The following PLXND1 variants were observed in gnomAD, a reference collection of about 807,000 sequenced individuals.
PLXND1 encodes plexin D1.
In PLXND1, 54 loss-of-function variants were observed where a neutral mutation model predicts 197.7. The observed-to-expected ratio is 0.27, with a 90% CI of 0.22 to 0.34. PLXND1 has a LOEUF of 0.34. PLXND1 is among the 10% of genes least tolerant of loss of function. PLXND1 has a pLI of 1.00. For missense variants in PLXND1, 2,127 were observed against 2,699.2 expected (o/e 0.79, Z 4.70); for synonymous variants, 1,180 against 1,161.2 (o/e 1.02, Z -0.33).
chr3:129,594,022 G>A lies in PLXND1; in HGVS notation c.1312-4495C>T, dbSNP rs535311430. The stretch of plus-strand genomic sequence containing the variant: ...CCCCAGGAAGCCAGTTGGAAGGAGC[G>A]CTTCAAGAGCCCGGCTTCTCAGGCC... On this transcript the variant is annotated intron_variant, in intron 1 of 35. Coordinates refer to ENST00000324093, the MANE Select transcript of PLXND1 (RefSeq NM_015103.3). Among the ~76,000 whole-genome samples, 6 of 152,290 alleles carry A rather than the reference G, an allele frequency of 3.9e-5. No individual in the cohort carries two copies. The South Asian group carries it at 1.2e-3, about 32-fold the overall frequency.
chr3:129,567,455 T>TGGCACAGGTTCAGGGCA, intron 22 of PLXND1, 37 bp downstream of exon 22: 1 of 1,264,652 alleles, frequency 7.9e-7, no homozygotes, highest in Non-Finnish European at 1.1e-6. Flanking sequence ...TTGAGGTGGC[T>TGGCACAGGTTCAGGGCA]GGCACAGGTT....
chr3:129,571,002 C>T (rs546379326), intron 18 of PLXND1, 38 bp downstream of exon 18: 9 of 1,612,890 alleles, frequency 5.6e-6, no homozygotes, highest in African/African-American at 4.0e-5. Context: ...GAGGCTGGCT[C>T]GCTTGCCCCC....
At chr3:129,605,099 G>A (rs961739080) in intron 1 of PLXND1, among the ~76,000 whole-genome samples, 11 of 152,160 alleles carry the variant, frequency 7.2e-5, no homozygotes, top group African/African-American at 2.2e-4. Flanking sequence ...CCCATGAGCC[G>A]GCACTCACTT....
chr3:129,578,019 C>A (rs764851014), intron 9 of PLXND1, among the ~76,000 whole-genome samples: 5 of 152,204 alleles, frequency 3.3e-5, no homozygotes, highest in Non-Finnish European at 5.9e-5. Flanking sequence ...GCAGCGTCCA[C>A]CCTCCGGCTG....
intron 1 of PLXND1, among the ~76,000 whole-genome samples, chr3:129,596,897 C>T (rs1337354623): frequency 6.6e-6 from 1 of 152,128 alleles, no homozygotes; most frequent in Admixed American, 6.5e-5. Context: ...GGGCTGGATT[C>T]CATGAGCTGG....
intron 8 of PLXND1, among the ~76,000 whole-genome samples, chr3:129,578,724 C>T (rs1428608594): frequency 6.6e-6 from 1 of 152,200 alleles, no homozygotes; most frequent in African/African-American, 2.4e-5. Context: ...TCCCTGGCCT[C>T]AGACGAGGCT....
intron 13 of PLXND1, 100 bp downstream of exon 13, chr3:129,573,494 C>A: frequency 8.3e-7 from 1 of 1,209,028 alleles, no homozygotes; most frequent in Non-Finnish European, 1.2e-6. Context: ...TTCCAGAAAG[C>A]AGCAGAGTGA....
chr3:129,580,492 G>A (rs942693688), intron 8 of PLXND1, among the ~76,000 whole-genome samples: 5 of 152,056 alleles, frequency 3.3e-5, no homozygotes, highest in African/African-American at 1.2e-4. Flanking sequence ...GCTGGCTGGG[G>A]CCCAGCCTCT....
rs1480312019 is a variant in PLXND1, at chr3:129,606,623, G to T, written c.17C>A (p.Ala6Glu). The change falls in exon 1 of 36, where the codon GCG becomes GAG. Residue 6 changes from alanine (A) to glutamate (E), a missense_variant. Ala to Glu is a moderately radical substitution (Grantham distance 107, BLOSUM62 -1). This residue lies in a region of PLXND1 where 245 missense variants were observed against 267.1 expected (regional missense o/e 0.92). Coordinates refer to ENST00000324093, the MANE Select transcript of PLXND1 (RefSeq NM_015103.3). ...CCGGGCGCTAAGGGGTGCGCCGCCC[G>T]CGGCGCGAGGAGCCATCCGGGCGTG... Reference protein sequence around the residue: MAPRAAGGAPLSARAA... With the variant: MAPRAEGGAPLSARAA... The T allele has an allele frequency of 4.4e-6, 5 of 1,136,460 alleles. No individual in the cohort carries two copies. The highest frequency in any genetic ancestry group is 5.4e-6 in the Non-Finnish European group (5 of 928,012). The allele number at this position is 1,136,460 out of a possible 1,614,324, so 70.4% of individuals were successfully genotyped here. A position where few individuals can be genotyped will look rare whatever the true frequency, so the allele number is the denominator to read the frequency against.
chr3:129,572,517 G>T, intron 15 of PLXND1, 92 bp downstream of exon 15: 1 of 1,152,354 alleles, frequency 8.7e-7, no homozygotes, highest in Non-Finnish European at 1.2e-6. Flanking sequence ...CCCAAGAGAG[G>T]CTTGGCTCAA....
chr3:129,606,374 A>G lies in PLXND1; in HGVS notation c.266T>C (p.Leu89Pro), dbSNP rs776995725. The change falls in exon 1 of 36, where the codon CTG becomes CCG. Residue 89 changes from leucine (L) to proline (P), a missense_variant. By Grantham distance (98) the Leu-to-Pro change is moderately conservative (BLOSUM62 -3). Around this residue, in one of 6 missense-constraint regions of PLXND1, gnomAD observed 245 missense variants for 267.1 expected, o/e 0.92. Transcript: ENST00000324093. ...CGGGCCCACGGCCGCCTCGGCCTCC[A>G]GGCTCAGGTTGGCGCCCGACAGCTG... ...LYQLSGANLS[L>P]EAEAAVGPVP... The G allele has an allele frequency of 6.5e-5, 97 of 1,497,668 alleles. No homozygotes were observed. The highest frequency in any genetic ancestry group is 7.1e-5 in the Non-Finnish European group (80 of 1,132,440). The allele number at this position is 1,497,668 out of a possible 1,614,324, so 92.8% of individuals were successfully genotyped here.
At chr3:129,565,585 C>G (rs763480304) in intron 24 of PLXND1, 47 bp from the exon 25 acceptor site, 1 of 1,529,226 alleles carries the variant, frequency 6.5e-7, no homozygotes, top group Non-Finnish European at 9.0e-7. Context: ...GCCCTAGGAG[C>G]TGTGGGTCCC....
intron 30 of PLXND1, 50 bp from the exon 31 acceptor site, chr3:129,560,484 C>A: frequency 7.6e-7 from 1 of 1,323,636 alleles, no homozygotes; most frequent in Non-Finnish European, 1.1e-6. Context: ...CATCCTCGGC[C>A]GCCTGTGGGA....
rs922301923 is a variant in PLXND1, at chr3:129,555,422, G to A, written c.*890C>T. Reference sequence around the variant, plus strand: ...CAGGGGCGCTCTGCCAGGTCTGCCCGCTCTCTGGAACAGTCATTTCCAGTG... The same window carrying A: ...CAGGGGCGCTCTGCCAGGTCTGCCCACTCTCTGGAACAGTCATTTCCAGTG... On this transcript the variant is annotated 3_prime_UTR_variant, in exon 36 of 36. Coordinates refer to ENST00000324093, the MANE Select transcript of PLXND1 (RefSeq NM_015103.3). 7.7e-6 allele frequency: 5 copies of A among 651,766 alleles called. No homozygotes were observed. Among genetic ancestry groups the A allele is most frequent in the African/African-American group, 3.7e-5 (2 of 53,420 alleles). 40.4% of individuals were successfully genotyped at this position (651,766 alleles called of 1,614,324 possible).
In PLXND1 at chr3:129,575,796, A is replaced by T; in HGVS notation, c.2406T>A (p.Asn802Lys). 1 of 1,612,548 alleles carries T rather than the reference A, an allele frequency of 6.2e-7. No individual in the cohort carries two copies. Among genetic ancestry groups the T allele is most frequent in the South Asian group, 1.1e-5 (1 of 91,050 alleles). ...CCTGGTCACAGCGTACAACAGACTC[A>T]TTCACCCACACAGCCTCGAAGATCT... ...LEEIFEAVWV[N>K]ESVVRCDQVV... Residue 802 changes from asparagine to lysine, a missense_variant, in exon 10 of 36, where the codon AAT (asparagine) becomes AAA (lysine). Physicochemically the swap from Asn to Lys is moderately conservative, Grantham distance 94 (BLOSUM62 0). Coordinates refer to ENST00000324093, the MANE Select transcript of PLXND1 (RefSeq NM_015103.3).
At chr3:129,604,805 C>T (rs984496291) in intron 1 of PLXND1, among the ~76,000 whole-genome samples, 5 of 152,244 alleles carry the variant, frequency 3.3e-5, no homozygotes, top group African/African-American at 7.2e-5. Context: ...CGTCTTCAGG[C>T]CCCAGCTTGC....
Position 129,561,379 on chromosome 3 carries a change from G to A in PLXND1, c.4993+267C>T, listed in dbSNP as rs920212304. Among the ~76,000 whole-genome samples, 5 of 152,324 alleles carry A rather than the reference G, an allele frequency of 3.3e-5. No homozygotes were observed. The South Asian group carries it at 1.0e-3, about 32-fold the overall frequency. ...GCATGCTGGCCCCCCTTCTGGCCTG[G>A]CTGCTGCCCAGACCTCCTGGAACTG... is the stretch of plus-strand genomic sequence containing the variant. On this transcript the variant is annotated intron_variant, in intron 29 of 35. Transcript: ENST00000324093.
chr3:129,574,301 T>C, intron 12 of PLXND1, 35 bp downstream of exon 12: 1 of 1,548,784 alleles, frequency 6.5e-7, no homozygotes, highest in South Asian at 1.2e-5. Flanking sequence ...CGTGCCGGAG[T>C]GCGGGTGCCA....
At chr3:129,579,919 C>T (rs1315372472) in intron 8 of PLXND1, among the ~76,000 whole-genome samples, 1 of 152,146 alleles carries the variant, frequency 6.6e-6, no homozygotes, top group Admixed American at 6.5e-5. Context: ...GATGCCAATG[C>T]CAACAACAAG....
Sources: gnomAD v4.1 joint callset for allele counts (sites outside exome capture counted in the v4.1 genomes callset) on GRCh38, gnomAD v4.1.1 for gene constraint, gnomAD v4.1.1 regional missense constraint, MANE v1.5 for transcripts, NCBI Gene and HGNC (gene_info 2026-07-23, HGNC 2026-07-21) for gene names.